TFDP2: variants seen among roughly 807,000 people sequenced by gnomAD.
TFDP2 encodes transcription factor Dp-2 (E2F dimerization partner 2).
In TFDP2, 17 loss-of-function variants were observed where a neutral mutation model predicts 59.3. The observed-to-expected ratio is 0.29, with a 90% CI of 0.20 to 0.43. The LOEUF (loss-of-function observed/expected upper bound fraction) is 0.43. TFDP2 is among the 20% of genes least tolerant of loss of function. The pLI, the probability that TFDP2 is intolerant of heterozygous loss-of-function variation, is 1.00. For missense variants in TFDP2, 391 were observed against 528.8 expected, an observed-to-expected ratio of 0.74 and a Z score of 2.56; for synonymous variants, 180 against 194.7, an observed-to-expected ratio of 0.92 and a Z score of 0.63.
intron 9 of TFDP2, 111 bp downstream of exon 9, chr3:141,969,962 G>A (rs1243397143): frequency 1.5e-5 from 15 of 1,030,876 alleles, no homozygotes; most frequent in East Asian, 2.4e-5. Flanking sequence ...CTGCCCTGGC[G>A]TGGGCTCACC....
intron 3 of TFDP2, among the ~76,000 whole-genome samples, chr3:142,070,049 G>C (rs1173392248): frequency 1.3e-5 from 2 of 149,772 alleles, no homozygotes; most frequent in East Asian, 4.0e-4. Context: ...GGGACTACAG[G>C]CATGTGCCAC....
At chr3:142,012,254 T>C (rs113424933) in intron 3 of TFDP2, among the ~76,000 whole-genome samples, 10,598 of 152,266 alleles carry the variant, frequency 0.07, 474 homozygotes, top group Non-Finnish European at 0.11. Flanking sequence ...CTTCATGACC[T>C]GCCTGCCTCG....
Position 142,097,556 on chromosome 3 carries a change from G to A in TFDP2, c.15+4179C>T, listed in dbSNP as rs2061198606. Among the ~76,000 whole-genome samples, 4 of 152,010 alleles carry A rather than the reference G, an allele frequency of 2.6e-5. No individual in the cohort carries two copies. The South Asian group carries it at 8.3e-4, about 31-fold the overall frequency. ...AGAAAAGAAGAAATTAAGTGGGCAA[G>A]GTGCCTGTAGTTCCGCTACTGGAGA... On this transcript the variant is annotated intron_variant, in intron 2 of 12. Coordinates refer to ENST00000489671, the MANE Select transcript of TFDP2 (RefSeq NM_001178139.2).
At chr3:141,999,368 T>C (rs1029395077) in intron 4 of TFDP2, among the ~76,000 whole-genome samples, 51 of 152,240 alleles carry the variant, frequency 3.3e-4, no homozygotes, top group East Asian at 1.9e-4. Context: ...ATTTATGTTA[T>C]AGTAAGGCTT....
intron 3 of TFDP2, among the ~76,000 whole-genome samples, chr3:142,007,670 G>A (rs1944325427): frequency 6.6e-6 from 1 of 152,146 alleles, no homozygotes; most frequent in Non-Finnish European, 1.5e-5. Context: ...CCTTGGGCTT[G>A]TTTTCCTGCT....
intron 1 of TFDP2, among the ~76,000 whole-genome samples, chr3:142,143,214 C>T (rs2063027483): frequency 6.6e-6 from 1 of 151,644 alleles, no homozygotes; most frequent in African/African-American, 2.4e-5. Context: ...CCAGCCTGGG[C>T]AACAGAGCAA....
chr3:142,032,468 C>T lies in TFDP2; in HGVS notation c.83-26924G>A, dbSNP rs140677312. On this transcript the variant is annotated intron_variant, in intron 3 of 12. Transcript: ENST00000489671. ...TTTCTTCAAGATCTACACTCCCACTCTAGAGGATGTGACCTATATTCTATA... is the reference window on the plus strand; with the variant it reads ...TTTCTTCAAGATCTACACTCCCACTTTAGAGGATGTGACCTATATTCTATA... Among the ~76,000 whole-genome samples the T allele has an allele frequency of 2.7e-4, 41 of 152,316 alleles. No individual in the cohort carries two copies. In the South Asian group the frequency reaches 7.0e-3, roughly 26 times the overall value.
intron 6 of TFDP2, among the ~76,000 whole-genome samples, chr3:141,992,985 T>A (rs1167194881): frequency 6.6e-6 from 1 of 152,196 alleles, no homozygotes; most frequent in African/African-American, 2.4e-5. Flanking sequence ...GAACTTTCCT[T>A]ATGCCCAACA....
intron 1 of TFDP2, among the ~76,000 whole-genome samples, chr3:142,141,018 C>A (rs1162044950): frequency 6.6e-6 from 1 of 152,228 alleles, no homozygotes; most frequent in Non-Finnish European, 1.5e-5. Flanking sequence ...CTGAGGTAGG[C>A]TCCGCCCAGT....
intron 10 of TFDP2, among the ~76,000 whole-genome samples, chr3:141,961,007 G>A (rs1937278942): frequency 6.6e-6 from 1 of 152,138 alleles, no homozygotes; most frequent in African/African-American, 2.4e-5. Context: ...CCCAAGAGAT[G>A]GAAGCCTCAC....
chr3:142,056,805 C>T (rs1315386764), intron 3 of TFDP2, among the ~76,000 whole-genome samples: 1 of 152,100 alleles, frequency 6.6e-6, no homozygotes, highest in East Asian at 1.9e-4. Context: ...ATATGTGAGC[C>T]ATCCTGGAAG....
chr3:142,046,759 G>A (rs1321520766), intron 3 of TFDP2, among the ~76,000 whole-genome samples: 1 of 152,026 alleles, frequency 6.6e-6, no homozygotes, highest in Non-Finnish European at 1.5e-5. Flanking sequence ...CTGTTGCCTG[G>A]CACATTTTAA....
intron 3 of TFDP2, chr3:142,028,670 G>C: frequency 1.0e-6 from 1 of 985,350 alleles, no homozygotes; most frequent in Non-Finnish European, 1.2e-6. Flanking sequence ...TGTGTCAGAC[G>C]TAAGCAATCG....
At chr3:142,148,730 A>G (rs549347244) in intron 1 of TFDP2, among the ~76,000 whole-genome samples, 9 of 152,332 alleles carry the variant, frequency 5.9e-5, no homozygotes, top group African/African-American at 2.2e-4. Flanking sequence ...ACTTCAGAGA[A>G]AAGTTCCTTT....
chr3:141,987,581 C>CGTGTGTGTGT, intron 6 of TFDP2, among the ~76,000 whole-genome samples: 1 of 118,514 alleles, frequency 8.4e-6, no homozygotes, highest in Non-Finnish European at 1.8e-5. Context: ...CTGCGCCTGG[C>CGTGTGTGTGT]GTGTGTGTGT....
intron 6 of TFDP2, among the ~76,000 whole-genome samples, chr3:141,989,883 TA>T (rs1942557569): frequency 2.0e-5 from 3 of 149,396 alleles, no homozygotes; most frequent in East Asian, 1.9e-4. Flanking sequence ...ACTTTAATAA[TA>T]ATAATAATAA....
chr3:142,086,831 T>C (rs2060822670), intron 3 of TFDP2, among the ~76,000 whole-genome samples: 1 of 152,222 alleles, frequency 6.6e-6, no homozygotes, highest in South Asian at 2.1e-4. Context: ...TGACTTTATC[T>C]TTCTGGTGAC....
At chr3:142,093,819 C>T (rs2061077595) in intron 2 of TFDP2, 1 of 258,902 alleles carries the variant, frequency 3.9e-6, no homozygotes, top group Non-Finnish European at 8.1e-6. Flanking sequence ...TCAAGTCATG[C>T]ATTTCCTCAT....
intron 4 of TFDP2, among the ~76,000 whole-genome samples, chr3:141,998,392 C>T (rs1275259367): frequency 6.6e-6 from 1 of 151,844 alleles, no homozygotes; most frequent in Non-Finnish European, 1.5e-5. Context: ...AGGTAGGCTC[C>T]CATTTGAGGT....
Sources: gnomAD v4.1 joint callset for allele counts (sites outside exome capture counted in the v4.1 genomes callset) on GRCh38, gnomAD v4.1.1 for gene constraint, MANE v1.5 for transcripts, NCBI Gene and HGNC (gene_info 2026-07-23, HGNC 2026-07-21) for gene names.